GRAMD2B: variants seen among roughly 807,000 people sequenced by gnomAD.
The protein encoded by GRAMD2B is GRAM domain containing 2B.
In GRAMD2B, 41 loss-of-function variants were observed where a neutral mutation model predicts 59.2. That is an observed-to-expected ratio of 0.69 (90% CI 0.54 to 0.90). GRAMD2B has a LOEUF of 0.90. GRAMD2B is among the 40% of genes least tolerant of loss of function. The pLI is 0.00. For missense variants in GRAMD2B, 424 were observed against 500.5 expected, an observed-to-expected ratio of 0.85 and a Z score of 1.46; for synonymous variants, 161 against 182.7, an observed-to-expected ratio of 0.88 and a Z score of 0.96.
chr5:126,470,685 A>C (rs1769390553), intron 3 of GRAMD2B, among the ~76,000 whole-genome samples: 1 of 151,970 alleles, frequency 6.6e-6, no homozygotes, highest in African/African-American at 2.4e-5. Flanking sequence ...CAACCATCTG[A>C]GTAGCTGGGA....
intron 1 of GRAMD2B, among the ~76,000 whole-genome samples, chr5:126,397,833 C>T (rs1348406244): frequency 6.6e-6 from 1 of 151,970 alleles, no homozygotes; most frequent in Non-Finnish European, 1.5e-5. Flanking sequence ...GGATTATTTT[C>T]ATACAGTGTC....
upstream of GRAMD2B, among the ~76,000 whole-genome samples, chr5:126,371,001 C>G (rs1754720370): frequency 6.6e-6 from 1 of 152,226 alleles, no homozygotes; most frequent in African/African-American, 2.4e-5. Context: ...TGAGTACAGG[C>G]ATAAAGCACA....
intron 1 of GRAMD2B, among the ~76,000 whole-genome samples, chr5:126,397,817 C>A (rs547028905): frequency 2.6e-5 from 4 of 152,048 alleles, no homozygotes; most frequent in Admixed American, 2.0e-4. Context: ...GTAATGTTGG[C>A]CTGTAGGATT....
chr5:126,475,855 T>A (rs1770482496), intron 5 of GRAMD2B, among the ~76,000 whole-genome samples: 1 of 151,936 alleles, frequency 6.6e-6, no homozygotes, highest in Non-Finnish European at 1.5e-5. Flanking sequence ...ACACCTGTAA[T>A]CTCAGCACTT....
intron 1 of GRAMD2B, among the ~76,000 whole-genome samples, chr5:126,429,969 CT>C (rs1461547598): frequency 6.6e-6 from 1 of 152,192 alleles, no homozygotes; most frequent in African/African-American, 2.4e-5. Context: ...TGGCACTGAG[CT>C]TTTTACTCAT....
chr5:126,477,885 A>G (rs1744607317), intron 6 of GRAMD2B, 98 bp downstream of exon 6: 3 of 755,906 alleles, frequency 4.0e-6, no homozygotes, highest in Non-Finnish European at 7.2e-6. Flanking sequence ...ACTCCAAACC[A>G]TAAATATCAT....
At chr5:126,432,999 A>G (rs1458248903) in intron 1 of GRAMD2B, among the ~76,000 whole-genome samples, 2 of 152,230 alleles carry the variant, frequency 1.3e-5, no homozygotes, top group Non-Finnish European at 2.9e-5. Flanking sequence ...CTTTTGCACC[A>G]TGGGTACCAT....
At chr5:126,381,470 G>C (rs368801306) in intron 1 of GRAMD2B, among the ~76,000 whole-genome samples, 200 of 152,078 alleles carry the variant, frequency 1.3e-3, no homozygotes, top group African/African-American at 4.7e-3. Flanking sequence ...AACTGTTGTT[G>C]CTTTAAAGTT....
At chr5:126,421,670 C>G (rs1283902438), upstream of GRAMD2B, among the ~76,000 whole-genome samples, 1 of 152,138 alleles carries the variant, frequency 6.6e-6, no homozygotes, top group South Asian at 2.1e-4. Context: ...TTGGAGCAAG[C>G]AGGCTACAAA....
intron 1 of GRAMD2B, among the ~76,000 whole-genome samples, chr5:126,405,725 A>G (rs1328191246): frequency 6.6e-6 from 1 of 151,216 alleles, no homozygotes; most frequent in Non-Finnish European, 1.5e-5. Flanking sequence ...CTAAGTTGCC[A>G]TCCTGCTATT....
At chr5:126,491,357 C>CTTATTA (rs1451661517) in intron 13 of GRAMD2B, among the ~76,000 whole-genome samples, 2 of 152,176 alleles carry the variant, frequency 1.3e-5, no homozygotes, top group African/African-American at 4.8e-5. Context: ...CACTTATTTT[C>CTTATTA]TTAGTTCTGG....
At chr5:126,476,435 T>G (rs1300186344) in intron 5 of GRAMD2B, among the ~76,000 whole-genome samples, 3 of 152,236 alleles carry the variant, frequency 2.0e-5, no homozygotes. Flanking sequence ...TGCGTGACTC[T>G]ATTTTCAGGG....
intron 13 of GRAMD2B, among the ~76,000 whole-genome samples, chr5:126,491,591 TCACTCACCTGAGAA>T (rs1374866099): frequency 2.0e-5 from 3 of 152,190 alleles, no homozygotes; most frequent in Non-Finnish European, 4.4e-5. Context: ...CCCTTCCTCC[TCACTCACCTGAGAA>T]CACCCATAGG....
At chr5:126,445,709 A>G (rs1764098011) in intron 1 of GRAMD2B, 2 of 152,250 alleles carry the variant, frequency 1.3e-5, no homozygotes, top group East Asian at 1.9e-4. Context: ...GAGTGACTCC[A>G]TCATCCCACC....
intron 8 of GRAMD2B, among the ~76,000 whole-genome samples, chr5:126,481,593 A>G (rs2126913188): frequency 6.6e-6 from 1 of 152,308 alleles, no homozygotes; most frequent in South Asian, 2.1e-4. Flanking sequence ...AAAGGTGGGG[A>G]AAACCCTAAT....
chr5:126,370,606 G>T (rs180833549), upstream of GRAMD2B, among the ~76,000 whole-genome samples: 195 of 152,316 alleles, frequency 1.3e-3, 2 homozygotes, highest in Admixed American at 0.011. Context: ...TAACAATAAT[G>T]ACACATAATT....
chr5:126,398,970 T>C (rs72782482), intron 1 of GRAMD2B, among the ~76,000 whole-genome samples: 1,807 of 152,310 alleles, frequency 0.012, 18 homozygotes, highest in South Asian at 0.018. Context: ...CTTGGAATGA[T>C]TTTGACTTTA....
intron 1 of GRAMD2B, among the ~76,000 whole-genome samples, chr5:126,365,872 A>C (rs1168980549): frequency 6.6e-6 from 1 of 152,210 alleles, no homozygotes; most frequent in Admixed American, 6.5e-5. Flanking sequence ...GACTTACCCA[A>C]GCTGGTGGAT....
At chr5:126,425,338 C>T (rs1156708294) in intron 1 of GRAMD2B, among the ~76,000 whole-genome samples, 1 of 152,110 alleles carries the variant, frequency 6.6e-6, no homozygotes, top group Non-Finnish European at 1.5e-5. Context: ...TATATATACA[C>T]AATATTATTC....
Sources: gnomAD v4.1 joint callset for allele counts (sites outside exome capture counted in the v4.1 genomes callset) on GRCh38, gnomAD v4.1.1 for gene constraint, MANE v1.5 for transcripts, NCBI Gene and HGNC (gene_info 2026-07-23, HGNC 2026-07-21) for gene names.